Variants in CACHD1 observed in about 807,000 individuals in gnomAD.
The protein encoded by CACHD1 is cache domain containing 1.
Under a neutral mutation model 138.7 loss-of-function variants are expected in CACHD1, and 71 were observed. The ratio of observed to expected loss-of-function variants is 0.51; its 90% CI spans 0.42 to 0.62. The LOEUF is 0.62. Among genes scored for constraint, CACHD1 ranks in the 20% least tolerant of loss-of-function variants. The probability of loss-of-function intolerance (pLI) is 0.00; values close to 1 mark genes in which losing one functional copy is unlikely to be tolerated. For missense variants in CACHD1, 1,389 were observed against 1,625.3 expected, an observed-to-expected ratio of 0.85 and a Z score of 2.50; for synonymous variants, 578 against 591.5, an observed-to-expected ratio of 0.98 and a Z score of 0.33.
intron 8 of CACHD1, among the ~76,000 whole-genome samples, chr1:64,643,612 G>A (rs574434593): frequency 2.7e-4 from 41 of 152,228 alleles, no homozygotes; most frequent in African/African-American, 8.4e-4. Flanking sequence ...CAAGGCGGGC[G>A]GATCACGAGG....
Position 64,666,217 on chromosome 1 carries a change from T to A in CACHD1, c.2387+50T>A, listed in dbSNP as rs186576891. On this transcript the variant is annotated intron_variant, in intron 16 of 26. Coordinates refer to ENST00000651257, the MANE Select transcript of CACHD1 (RefSeq NM_020925.4). Reference sequence around the variant, plus strand: ...TCATTTCTTAAATATATCAAGGATATTTTGGAAATCTGAATAGAAGAGTAC... The same window carrying A: ...TCATTTCTTAAATATATCAAGGATAATTTGGAAATCTGAATAGAAGAGTAC... 1.4e-4 allele frequency: 181 copies of A among 1,286,194 alleles called. No individual in the cohort carries two copies. The East Asian group carries it at 2.3e-3, about 17-fold the overall frequency. The allele number at this position is 1,286,194 out of a possible 1,614,324, so 79.7% of individuals were successfully genotyped here. A position where few individuals can be genotyped will look rare whatever the true frequency, so the allele number is the denominator to read the frequency against.
intron 4 of CACHD1, among the ~76,000 whole-genome samples, chr1:64,609,733 A>G (rs1368873941): frequency 6.6e-6 from 1 of 151,654 alleles, no homozygotes; most frequent in Admixed American, 6.6e-5. Context: ...TAATGGATAT[A>G]GCCTTTTTTT....
At chr1:64,477,881 G>T (rs1012201835) in intron 1 of CACHD1, among the ~76,000 whole-genome samples, 3 of 151,174 alleles carry the variant, frequency 2.0e-5, no homozygotes, top group African/African-American at 7.3e-5. Context: ...TGATCCACCC[G>T]CCTCGGCCTC....
intron 4 of CACHD1, among the ~76,000 whole-genome samples, chr1:64,615,870 G>A (rs538328298): frequency 1.3e-5 from 2 of 152,208 alleles, no homozygotes; most frequent in South Asian, 2.1e-4. Context: ...CAATCAGTCC[G>A]TTCCTTCTTA....
chr1:64,631,209 A>G (rs937734020), intron 5 of CACHD1, among the ~76,000 whole-genome samples: 1 of 152,248 alleles, frequency 6.6e-6, no homozygotes, highest in African/African-American at 2.4e-5. Context: ...ATTGAATTTT[A>G]ACAAAGGAAG....
rs751356579 is a variant in CACHD1, at chr1:64,634,036, T to C, written c.790-8T>C. 8 of 1,584,200 alleles carry C rather than the reference T, an allele frequency of 5.0e-6. No individual in the cohort carries two copies. Among genetic ancestry groups the C allele is most frequent in the East Asian group, 2.2e-5 (1 of 44,546 alleles). ...TTTGGTGGTTTTTTTTTTTTTTCTT[T>C]CCTGCAGATTTCTGTGTTAACTGTG... On this transcript the variant is annotated splice_polypyrimidine_tract_variant and splice_region_variant and intron_variant, in intron 6 of 26. Transcript: ENST00000651257.
intron 26 of CACHD1, 140 bp from the exon 27 acceptor site, chr1:64,691,183 A>T (rs1557561009): frequency 1.4e-6 from 1 of 709,582 alleles, no homozygotes; most frequent in Non-Finnish European, 2.5e-6. Flanking sequence ...TTACTTTAGC[A>T]TCTGCTGACA....
Position 64,629,354 on chromosome 1 carries a change from G to A in CACHD1, c.518-1G>A. ...ATATTTCATTTTCCTTACACCTCTA[G>A]TTCTTGCAGACAACCTGAAATCCAA... is the stretch of plus-strand genomic sequence containing the variant. On this transcript the variant is annotated splice_acceptor_variant, in intron 4 of 26. Coordinates refer to ENST00000651257, the MANE Select transcript of CACHD1 (RefSeq NM_020925.4). LOFTEE classifies it high-confidence loss of function. The A allele has an allele frequency of 1.9e-6, 3 of 1,613,824 alleles. No individual in the cohort carries two copies. Among genetic ancestry groups the A allele is most frequent in the Non-Finnish European group, 2.5e-6 (3 of 1,179,878 alleles).
intron 24 of CACHD1, among the ~76,000 whole-genome samples, chr1:64,680,546 A>G (rs1277352318): frequency 6.6e-6 from 1 of 152,118 alleles, no homozygotes; most frequent in Non-Finnish European, 1.5e-5. Flanking sequence ...TCATGGCCTC[A>G]ATACCACGTG....
intron 25 of CACHD1, among the ~76,000 whole-genome samples, 172 bp from the exon 26 acceptor site, chr1:64,681,833 A>G (rs1485256915): frequency 6.6e-6 from 1 of 152,074 alleles, no homozygotes; most frequent in Admixed American, 6.5e-5. Context: ...CTCTCACTGC[A>G]CCAGTTCTAA....
intron 1 of CACHD1, among the ~76,000 whole-genome samples, chr1:64,480,779 A>G (rs1646205733): frequency 6.6e-6 from 1 of 151,988 alleles, no homozygotes; most frequent in African/African-American, 2.4e-5. Flanking sequence ...AGAAAATTCC[A>G]CCTGTAATTT....
chr1:64,491,663 T>C (rs1646276883), intron 1 of CACHD1, among the ~76,000 whole-genome samples: 1 of 152,110 alleles, frequency 6.6e-6, no homozygotes, highest in Non-Finnish European at 1.5e-5. Context: ...ACTCAAACCA[T>C]ATCACCCTCT....
At chr1:64,474,325 A>G (rs1479766817) in intron 1 of CACHD1, among the ~76,000 whole-genome samples, 2 of 152,152 alleles carry the variant, frequency 1.3e-5, no homozygotes, top group African/African-American at 4.8e-5. Flanking sequence ...ACAAGTTTTT[A>G]TCAAGCAGCA....
At chr1:64,622,389 G>C (rs527422994) in intron 4 of CACHD1, among the ~76,000 whole-genome samples, 1 of 152,134 alleles carries the variant, frequency 6.6e-6, no homozygotes, top group Non-Finnish European at 1.5e-5. Flanking sequence ...AGCTTTAGCC[G>C]TTCAGCAGTT....
intron 23 of CACHD1, 117 bp downstream of exon 23, chr1:64,678,427 C>A: frequency 9.1e-7 from 1 of 1,093,666 alleles, no homozygotes. Flanking sequence ...TGCTGGTAGT[C>A]TTTAGTTACA....
intron 4 of CACHD1, among the ~76,000 whole-genome samples, chr1:64,606,206 T>C (rs1278784588): frequency 6.6e-6 from 1 of 151,766 alleles, no homozygotes; most frequent in Non-Finnish European, 1.5e-5. Flanking sequence ...TGTTAGAAGA[T>C]GATGAATGCT....
intron 1 of CACHD1, among the ~76,000 whole-genome samples, chr1:64,526,655 A>G (rs777139909): frequency 2.6e-5 from 4 of 152,238 alleles, no homozygotes; most frequent in Non-Finnish European, 5.9e-5. Context: ...GCAATTTCCC[A>G]TTCCTGCTAA....
intron 1 of CACHD1, among the ~76,000 whole-genome samples, chr1:64,471,530 GGGCTCCGCGCTCCTTTCCCC>G (rs1182377838): frequency 1.5e-3 from 226 of 152,324 alleles, no homozygotes; most frequent in African/African-American, 5.0e-3. Context: ...CCCTCCGAGT[GGGCTCCGCGCTCCTTTCCCC>G]TCCCGGGAGC....
intron 1 of CACHD1, among the ~76,000 whole-genome samples, chr1:64,530,646 G>A (rs536143913): frequency 1.3e-5 from 2 of 152,060 alleles, no homozygotes; most frequent in East Asian, 1.9e-4. Flanking sequence ...CGAGGTGGGC[G>A]GATCACCTGA....
Sources: allele counts gnomAD v4.1 joint callset (sites outside exome capture counted in the v4.1 genomes callset), GRCh38; gene constraint gnomAD v4.1.1; transcripts MANE v1.5; gene names NCBI Gene and HGNC (gene_info 2026-07-23, HGNC 2026-07-21).